PLD5: variants seen among roughly 807,000 people sequenced by gnomAD.
The protein encoded by PLD5 is phospholipase D family member 5.
Under a neutral mutation model 61.1 loss-of-function variants are expected in PLD5, and 36 were observed. That is an observed-to-expected ratio of 0.59 (90% CI 0.45 to 0.78). The LOEUF is 0.78. Among genes scored for constraint, PLD5 ranks in the 30% least tolerant of loss-of-function variants. PLD5 has a pLI of 0.00. For missense variants in PLD5, 515 were observed against 644.4 expected (o/e 0.80, Z 2.17); for synonymous variants, 243 against 242.8 (o/e 1.00, Z -0.01).
intron 2 of PLD5, among the ~76,000 whole-genome samples, chr1:242,326,452 T>C (rs1392148597): frequency 1.3e-5 from 2 of 152,128 alleles, no homozygotes. Flanking sequence ...TGTACGTGGA[T>C]AAGTTAACTG....
At chr1:242,442,743 G>A (rs1343154619) in intron 1 of PLD5, among the ~76,000 whole-genome samples, 1 of 152,154 alleles carries the variant, frequency 6.6e-6, no homozygotes, top group African/African-American at 2.4e-5. Context: ...CGCAGGGAAA[G>A]GAAACACTTA....
chr1:242,241,838 G>T (rs1672028097), intron 4 of PLD5, among the ~76,000 whole-genome samples: 1 of 133,924 alleles, frequency 7.5e-6, no homozygotes, highest in Admixed American at 8.2e-5. Flanking sequence ...ATTGAAGAAG[G>T]CTTTGAAGAA....
chr1:242,135,508 A>G (rs569436946), intron 5 of PLD5, among the ~76,000 whole-genome samples: 2 of 152,266 alleles, frequency 1.3e-5, no homozygotes, highest in African/African-American at 4.8e-5. Context: ...TCTCTTTCTA[A>G]TTTCAAGAGG....
chr1:242,168,955 A>G (rs2148870195), intron 5 of PLD5, among the ~76,000 whole-genome samples: 1 of 151,264 alleles, frequency 6.6e-6, no homozygotes, highest in African/African-American at 2.4e-5. Context: ...GAGAAGAGAG[A>G]AGGCCCTAAT....
intron 1 of PLD5, among the ~76,000 whole-genome samples, chr1:242,356,005 T>C (rs1239587621): frequency 6.6e-6 from 1 of 151,770 alleles, no homozygotes; most frequent in Admixed American, 6.6e-5. Flanking sequence ...TAATATATGG[T>C]TTATTCTGGA....
chr1:242,176,589 C>G (rs894372833), intron 5 of PLD5, among the ~76,000 whole-genome samples: 1 of 152,100 alleles, frequency 6.6e-6, no homozygotes, highest in Non-Finnish European at 1.5e-5. Context: ...ACAAATGGGA[C>G]TTAATTACAC....
chr1:242,526,858 G>C (rs1669458690), upstream of PLD5, among the ~76,000 whole-genome samples: 1 of 152,048 alleles, frequency 6.6e-6, no homozygotes, highest in African/African-American at 2.4e-5. Context: ...TTATAATATT[G>C]TTAACAGAAA....
intron 1 of PLD5, among the ~76,000 whole-genome samples, chr1:242,510,794 G>T (rs980749351): frequency 6.6e-6 from 1 of 151,700 alleles, no homozygotes; most frequent in East Asian, 1.9e-4. Flanking sequence ...GCAGTGAGCC[G>T]AGATCGCGCC....
chr1:242,160,741 C>G (rs573337119), intron 5 of PLD5, among the ~76,000 whole-genome samples: 5 of 151,916 alleles, frequency 3.3e-5, no homozygotes, highest in Middle Eastern at 6.8e-3. Flanking sequence ...AAAAACTAGC[C>G]GGGTGTGGTT....
At position 242,090,001 on chromosome 1, in the gene PLD5, A is replaced by G. The variant is rs767061580; in HGVS notation, c.1464T>C (p.Asp488=). The G allele has an allele frequency of 1.2e-6, 2 of 1,614,116 alleles. No individual in the cohort carries two copies. The highest frequency in any genetic ancestry group is 2.7e-5 in the African/African-American group (2 of 74,946). ...NNRSIIKQLK[D]VFERDWYSPY... Reference sequence around the variant, plus strand: ...GTGAATACCAGTCCCTTTCAAACACATCTTTAAGTTGCTTAATGATGCTTC... The same window carrying G: ...GTGAATACCAGTCCCTTTCAAACACGTCTTTAAGTTGCTTAATGATGCTTC... Residue 488 remains aspartate (D), a synonymous_variant, in exon 10 of 10, where the codon GAT becomes GAC. Coordinates refer to ENST00000536534, the MANE Select transcript of PLD5 (RefSeq NM_001372062.1).
intron 5 of PLD5, among the ~76,000 whole-genome samples, chr1:242,160,260 A>G (rs543198234): frequency 6.6e-6 from 1 of 152,118 alleles, no homozygotes; most frequent in African/African-American, 2.4e-5. Context: ...GGCTCAAGTG[A>G]CTTTCCCACC....
chr1:242,187,359 T>G (rs1041604478), intron 5 of PLD5, among the ~76,000 whole-genome samples: 11 of 152,208 alleles, frequency 7.2e-5, no homozygotes, highest in African/African-American at 2.7e-4. Flanking sequence ...CTTGGTCGTT[T>G]CCTTGAGTCA....
At chr1:242,151,761 T>C (rs1403809831) in intron 5 of PLD5, among the ~76,000 whole-genome samples, 2 of 152,118 alleles carry the variant, frequency 1.3e-5, no homozygotes, top group African/African-American at 4.8e-5. Flanking sequence ...CATAAATTAC[T>C]CAAGTACATA....
intron 1 of PLD5, among the ~76,000 whole-genome samples, chr1:242,419,989 C>T (rs183572973): frequency 1.3e-5 from 2 of 152,198 alleles, no homozygotes; most frequent in African/African-American, 4.8e-5. Flanking sequence ...GCTTGAGACC[C>T]AGAAATAAGA....
At chr1:242,201,572 A>G (rs1358772523) in intron 5 of PLD5, among the ~76,000 whole-genome samples, 1 of 152,132 alleles carries the variant, frequency 6.6e-6, no homozygotes, top group East Asian at 1.9e-4. Flanking sequence ...CCCAGGCTAG[A>G]GTGCCATGGT....
chr1:242,154,662 G>T lies in PLD5; in HGVS notation c.736-29997C>A, dbSNP rs1235835194. Among the ~76,000 whole-genome samples, 4 of 152,204 alleles carry T rather than the reference G, an allele frequency of 2.6e-5. No individual in the cohort carries two copies. In the East Asian group the frequency reaches 5.8e-4, roughly 22 times the overall value. ...GGATTACATTTATTGATTTGTGTAT[G>T]TTGAACCAGTCTTGCATCTCAGGGA... is the stretch of plus-strand genomic sequence containing the variant. On this transcript the variant is annotated intron_variant, in intron 5 of 9. Coordinates refer to ENST00000536534, the MANE Select transcript of PLD5 (RefSeq NM_001372062.1).
Position 242,169,441 on chromosome 1 carries a change from C to T in PLD5, c.736-44776G>A, listed in dbSNP as rs1383655097. Among the ~76,000 whole-genome samples the T allele has an allele frequency of 2.6e-5, 4 of 152,186 alleles. No homozygotes were observed. The East Asian group carries it at 5.8e-4, about 22-fold the overall frequency. ...GCACTTTTCCCATGGTCTTCAAAAC[C>T]CGTAGACCAGGAGATACCCTCCAGT... On this transcript the variant is annotated intron_variant, in intron 5 of 9. Transcript: ENST00000536534.
chr1:242,443,478 C>A (rs1666367677), intron 1 of PLD5, among the ~76,000 whole-genome samples: 1 of 151,996 alleles, frequency 6.6e-6, no homozygotes, highest in Non-Finnish European at 1.5e-5. Context: ...AAGCAGATGC[C>A]CAGAGCTGAG....
intron 1 of PLD5, among the ~76,000 whole-genome samples, chr1:242,451,648 C>G (rs770862471): frequency 2.3e-4 from 35 of 151,736 alleles, no homozygotes; most frequent in Non-Finnish European, 4.1e-4. Context: ...TTCGTAGAGA[C>G]AGGGCTTCAC....
Sources: allele counts gnomAD v4.1 joint callset (sites outside exome capture counted in the v4.1 genomes callset), GRCh38; gene constraint gnomAD v4.1.1; transcripts MANE v1.5; gene names NCBI Gene and HGNC (gene_info 2026-07-23, HGNC 2026-07-21).